Variants in CPA6 observed in about 807,000 individuals in gnomAD.
CPA6 encodes carboxypeptidase B.
A neutral mutation model predicts 63.3 loss-of-function variants in CPA6; 58 were observed. That is an observed-to-expected ratio of 0.92 (90% CI 0.74 to 1.14). The LOEUF (loss-of-function observed/expected upper bound fraction) is 1.14, where lower values mean the gene tolerates loss of function less well. Ranked by LOEUF, CPA6 falls within the 50% of genes most tolerant of loss-of-function variation. The pLI, the probability that CPA6 is intolerant of heterozygous loss-of-function variation, is 0.00. For synonymous variants in CPA6, 185 were observed against 179.0 expected (o/e 1.03, Z -0.27); for missense variants, 565 against 526.6 (o/e 1.07, Z -0.71).
In CPA6 at chr8:67,678,137, A is replaced by T. The variant is rs184484663; in HGVS notation, c.117-53886T>A. Among the ~76,000 whole-genome samples the T allele has an allele frequency of 1.8e-4, 28 of 151,770 alleles. No homozygotes were observed. The Middle Eastern group carries it at 0.01, about 55-fold the overall frequency. ...CAGGTACTTGGGAGGCTGAGGGAGG[A>T]GAATCACTTGAGCCTGGGAGGCAGA... is the stretch of plus-strand genomic sequence containing the variant. On this transcript the variant is annotated intron_variant, in intron 1 of 10. Transcript: ENST00000297770.
intron 2 of CPA6, among the ~76,000 whole-genome samples, chr8:67,580,167 C>T (rs1813732085): frequency 6.6e-6 from 1 of 152,202 alleles, no homozygotes; most frequent in Non-Finnish European, 1.5e-5. Flanking sequence ...GATCCCCTCC[C>T]ACCATATGGC....
At chr8:67,428,854 A>G (rs1443215093) in intron 9 of CPA6, among the ~76,000 whole-genome samples, 1 of 152,216 alleles carries the variant, frequency 6.6e-6, no homozygotes, top group Non-Finnish European at 1.5e-5. Context: ...GTCATAGCTC[A>G]CAACCAGTAC....
intron 8 of CPA6, among the ~76,000 whole-genome samples, chr8:67,474,460 A>G (rs1811129572): frequency 6.6e-6 from 1 of 151,958 alleles, no homozygotes; most frequent in Non-Finnish European, 1.5e-5. Flanking sequence ...TGACCTCGTG[A>G]TCCACCCACC....
chr8:67,676,160 G>A (rs528172447), intron 1 of CPA6, among the ~76,000 whole-genome samples: 8 of 152,104 alleles, frequency 5.3e-5, no homozygotes, highest in Admixed American at 2.0e-4. Context: ...GCTTTTTAGC[G>A]GGGTTAAGGA....
rs1813069666 is a variant in CPA6 at position 67,556,721 on chromosome 8, T to C, written c.193-38674A>G. On this transcript the variant is annotated intron_variant, in intron 2 of 10. Coordinates refer to ENST00000297770, the MANE Select transcript of CPA6 (RefSeq NM_020361.5). The stretch of plus-strand genomic sequence containing the variant: ...AGAGCTCGGCTCCCAAACCCCTATC[T>C]GGACTCAGACTTTGGTGAACTTAGA... 2.0e-5 allele frequency among the ~76,000 whole-genome samples: 3 copies of C among 152,354 alleles called. No individual in the cohort carries two copies. The South Asian group carries it at 6.2e-4, about 32-fold the overall frequency.
chr8:67,570,960 A>G (rs1813471566), intron 2 of CPA6, among the ~76,000 whole-genome samples: 1 of 152,202 alleles, frequency 6.6e-6, no homozygotes, highest in Non-Finnish European at 1.5e-5. Context: ...GATTCACTTC[A>G]TTTTTAAGGA....
chr8:67,475,301 C>T (rs1811148797), intron 8 of CPA6, among the ~76,000 whole-genome samples: 1 of 152,166 alleles, frequency 6.6e-6, no homozygotes, highest in African/African-American at 2.4e-5. Flanking sequence ...CTAAAACCAT[C>T]ATCAAGAAGT....
At chr8:67,540,418 C>T (rs13262307) in intron 2 of CPA6, among the ~76,000 whole-genome samples, 45,504 of 151,992 alleles carry the variant, frequency 0.3, 7,016 homozygotes, top group South Asian at 0.4. Context: ...CCAGCCAGAG[C>T]TCTCCTGTAT....
chr8:67,662,515 A>G (rs1292566165), intron 1 of CPA6, among the ~76,000 whole-genome samples: 2 of 130,344 alleles, frequency 1.5e-5, no homozygotes, highest in Non-Finnish European at 3.2e-5. Flanking sequence ...TATATAATAC[A>G]TACACACGTA....
chr8:67,725,443 A>G (rs1249305989), intron 1 of CPA6, among the ~76,000 whole-genome samples: 2 of 152,222 alleles, frequency 1.3e-5, no homozygotes, highest in Non-Finnish European at 2.9e-5. Context: ...AAACTTCATG[A>G]CTGAAAATTG....
chr8:67,622,725 C>T (rs1247591228), intron 2 of CPA6, among the ~76,000 whole-genome samples: 1 of 152,188 alleles, frequency 6.6e-6, no homozygotes, highest in Non-Finnish European at 1.5e-5. Flanking sequence ...ACAATGTCTC[C>T]TTCCTCCCTC....
At chr8:67,623,098 A>C (rs1180946355) in intron 2 of CPA6, among the ~76,000 whole-genome samples, 1 of 152,252 alleles carries the variant, frequency 6.6e-6, no homozygotes, top group Non-Finnish European at 1.5e-5. Context: ...AAACATAGCA[A>C]AACTAATTAA....
At chr8:67,718,132 G>A (rs1195248823) in intron 1 of CPA6, among the ~76,000 whole-genome samples, 1 of 152,008 alleles carries the variant, frequency 6.6e-6, no homozygotes, top group African/African-American at 2.4e-5. Context: ...CATTCTCTGG[G>A]TCTACCATTT....
chr8:67,602,351 GA>G (rs1294197299), intron 2 of CPA6, among the ~76,000 whole-genome samples: 1 of 152,156 alleles, frequency 6.6e-6, no homozygotes, highest in Non-Finnish European at 1.5e-5. Flanking sequence ...TGGAGAAGAG[GA>G]ATAGGAGGGG....
chr8:67,437,325 G>A (rs1358968982), intron 8 of CPA6, among the ~76,000 whole-genome samples: 1 of 152,214 alleles, frequency 6.6e-6, no homozygotes, highest in Non-Finnish European at 1.5e-5. Flanking sequence ...AACCCGGGAG[G>A]CGGAGCTTGT....
chr8:67,659,562 C>T (rs2128992681), intron 1 of CPA6, among the ~76,000 whole-genome samples: 1 of 152,274 alleles, frequency 6.6e-6, no homozygotes, highest in South Asian at 2.1e-4. Context: ...TTGCTTTCTT[C>T]CAATCTCTTT....
rs572852444 is a variant in CPA6, at chr8:67,699,128, G to C, written c.116+46886C>G. Among the ~76,000 whole-genome samples, 4 of 152,214 alleles carry C rather than the reference G, an allele frequency of 2.6e-5. No homozygotes were observed. The East Asian group carries it at 5.8e-4, about 22-fold the overall frequency. Reference sequence around the variant, plus strand: ...GAGCCAAACAAATATAATGAAAAACGGGTTACAGGCCAGGTTTAGTGGCTC... The same window carrying C: ...GAGCCAAACAAATATAATGAAAAACCGGTTACAGGCCAGGTTTAGTGGCTC... On this transcript the variant is annotated intron_variant, in intron 1 of 10. Coordinates refer to ENST00000297770, the MANE Select transcript of CPA6 (RefSeq NM_020361.5).
chr8:67,538,180 T>G (rs182181552), intron 2 of CPA6, among the ~76,000 whole-genome samples: 11 of 152,280 alleles, frequency 7.2e-5, no homozygotes, highest in Admixed American at 3.3e-4. Context: ...TGGTGGAGAG[T>G]TCTGTAGATG....
At chr8:67,493,845 T>C (rs1016536293) in intron 6 of CPA6, among the ~76,000 whole-genome samples, 5 of 152,176 alleles carry the variant, frequency 3.3e-5, no homozygotes, top group Non-Finnish European at 7.4e-5. Context: ...GATCCACCTG[T>C]ATATTATACA....
Sources: allele counts gnomAD v4.1 joint callset (sites outside exome capture counted in the v4.1 genomes callset), GRCh38; gene constraint gnomAD v4.1.1; transcripts MANE v1.5; gene names NCBI Gene and HGNC (gene_info 2026-07-23, HGNC 2026-07-21).